ZCCHC24: variants seen among roughly 807,000 people sequenced by gnomAD.
The protein encoded by ZCCHC24 is zinc finger CCHC domain-containing protein 24.
Under a neutral mutation model 26.2 loss-of-function variants are expected in ZCCHC24, and 10 were observed. The ratio of observed to expected loss-of-function variants is 0.38; its 90% CI spans 0.24 to 0.65. The LOEUF (loss-of-function observed/expected upper bound fraction) is 0.65, where lower values mean the gene tolerates loss of function less well. ZCCHC24 is among the 30% of genes least tolerant of loss of function. ZCCHC24 has a pLI of 0.54. For synonymous variants in ZCCHC24, 144 were observed against 147.1 expected (o/e 0.98, Z 0.15); for missense variants, 243 against 329.1 (o/e 0.74, Z 2.03).
chr10:79,438,724 T>C (rs1021108985), intron 1 of ZCCHC24, among the ~76,000 whole-genome samples: 2 of 151,842 alleles, frequency 1.3e-5, no homozygotes, highest in Non-Finnish European at 2.9e-5. Flanking sequence ...GGTGGGGGAG[T>C]GGGCAGAGAG....
intron 2 of ZCCHC24, among the ~76,000 whole-genome samples, chr10:79,408,098 C>T (rs1419304215): frequency 9.9e-5 from 15 of 152,220 alleles, no homozygotes; most frequent in Admixed American, 8.5e-4. Flanking sequence ...CCTCCACCAC[C>T]GATGTTTGCC....
chr10:79,401,076 G>A (rs1230149192), intron 2 of ZCCHC24, among the ~76,000 whole-genome samples: 1 of 152,244 alleles, frequency 6.6e-6, no homozygotes, highest in Non-Finnish European at 1.5e-5. Context: ...ATAGGGACCA[G>A]GAGGAGAGCA....
At chr10:79,440,570 G>A (rs920000845) in intron 1 of ZCCHC24, among the ~76,000 whole-genome samples, 1 of 152,162 alleles carries the variant, frequency 6.6e-6, no homozygotes, top group Non-Finnish European at 1.5e-5. Flanking sequence ...AGGACGGGTC[G>A]CAGATGCAAC....
chr10:79,422,662 T>C (rs575696284), intron 2 of ZCCHC24, among the ~76,000 whole-genome samples: 5 of 152,220 alleles, frequency 3.3e-5, no homozygotes, highest in Non-Finnish European at 7.3e-5. Flanking sequence ...GGGGCGATGA[T>C]TGTTTTCTGT....
Position 79,432,551 on chromosome 10 carries a change from G to C in ZCCHC24, c.447+7C>G. ...CAAGAGCACCCCCTGGGCCAGGGCT[G>C]CCTTACCTGGGGGCAGTCCTTGATG... On this transcript the variant is annotated splice_region_variant and intron_variant, in intron 2 of 3. Transcript: ENST00000372336. 2 of 1,593,394 alleles carry C rather than the reference G, an allele frequency of 1.3e-6. No homozygotes were observed. Among genetic ancestry groups the C allele is most frequent in the Non-Finnish European group, 1.7e-6 (2 of 1,169,646 alleles).
intron 2 of ZCCHC24, among the ~76,000 whole-genome samples, chr10:79,411,097 A>G (rs1473180547): frequency 1.3e-5 from 2 of 152,168 alleles, no homozygotes; most frequent in Non-Finnish European, 2.9e-5. Context: ...ACTGGACAGC[A>G]GGCAACAGTG....
intron 2 of ZCCHC24, among the ~76,000 whole-genome samples, chr10:79,421,342 C>T (rs749088479): frequency 1.3e-5 from 2 of 152,162 alleles, no homozygotes; most frequent in Non-Finnish European, 2.9e-5. Context: ...CCTTCAGCAC[C>T]CATCCCCTGC....
intron 2 of ZCCHC24, among the ~76,000 whole-genome samples, chr10:79,428,574 G>A (rs895041769): frequency 1.3e-5 from 2 of 152,130 alleles, no homozygotes; most frequent in Non-Finnish European, 2.9e-5. Flanking sequence ...GCTAAAAATG[G>A]TTAAGATGGT....
At chr10:79,394,495 C>T (rs1856519386) in intron 2 of ZCCHC24, 55 bp from the exon 3 acceptor site, 2 of 1,584,400 alleles carry the variant, frequency 1.3e-6, no homozygotes, top group African/African-American at 1.3e-5. Context: ...AAGATGATGC[C>T]CCACAGGGTT....
intron 2 of ZCCHC24, among the ~76,000 whole-genome samples, chr10:79,423,105 C>T (rs1420514477): frequency 1.3e-5 from 2 of 152,112 alleles, no homozygotes; most frequent in Non-Finnish European, 2.9e-5. Context: ...AGTGGTAGTA[C>T]GTGAAGTTTT....
At chr10:79,410,416 C>A (rs1006993202) in intron 2 of ZCCHC24, among the ~76,000 whole-genome samples, 5 of 152,232 alleles carry the variant, frequency 3.3e-5, no homozygotes, top group Non-Finnish European at 7.3e-5. Flanking sequence ...AAGTAGCATG[C>A]TTGAACACTG....
At chr10:79,407,883 G>A (rs969566969) in intron 2 of ZCCHC24, among the ~76,000 whole-genome samples, 2 of 152,162 alleles carry the variant, frequency 1.3e-5, no homozygotes, top group African/African-American at 4.8e-5. Flanking sequence ...AAGCAAGACC[G>A]GCGGTGGTGT....
intron 2 of ZCCHC24, among the ~76,000 whole-genome samples, chr10:79,410,950 G>T (rs535338934): frequency 6.6e-6 from 1 of 152,286 alleles, no homozygotes; most frequent in Admixed American, 6.5e-5. Context: ...GCGGGGCTGT[G>T]GGGGCTGAGG....
At chr10:79,394,201 G>T in intron 3 of ZCCHC24, 75 bp downstream of exon 3, 1 of 1,548,908 alleles carries the variant, frequency 6.5e-7, no homozygotes, top group Non-Finnish European at 8.7e-7. Flanking sequence ...GTAGGAGGGA[G>T]TAAACTGAGG....
chr10:79,439,635 A>G (rs1393665793), intron 1 of ZCCHC24, among the ~76,000 whole-genome samples: 2 of 152,152 alleles, frequency 1.3e-5, no homozygotes, highest in Non-Finnish European at 2.9e-5. Context: ...GACATGCTTT[A>G]CAAAAAATTA....
Position 79,386,337 on chromosome 10 carries a change from G to A in ZCCHC24, c.*8C>T. Reference sequence around the variant, plus strand: ...GGGGGGTGGCTCTGGGTGCGGGCGGGCAGCCCGTCACTGCACGCGACGGCA... The same window carrying A: ...GGGGGGTGGCTCTGGGTGCGGGCGGACAGCCCGTCACTGCACGCGACGGCA... On this transcript the variant is annotated 3_prime_UTR_variant, in exon 4 of 4. Coordinates refer to ENST00000372336, the MANE Select transcript of ZCCHC24 (RefSeq NM_153367.4). The A allele has an allele frequency of 6.2e-7, 1 of 1,611,160 alleles. No homozygotes were observed. Among genetic ancestry groups the A allele is most frequent in the Non-Finnish European group, 8.5e-7 (1 of 1,178,806 alleles).
intron 1 of ZCCHC24, among the ~76,000 whole-genome samples, chr10:79,442,154 C>G (rs1258631089): frequency 6.6e-6 from 1 of 152,140 alleles, no homozygotes; most frequent in Non-Finnish European, 1.5e-5. Flanking sequence ...TCGTTGTTGC[C>G]GTAGATCAGG....
intron 2 of ZCCHC24, chr10:79,403,403 C>A (rs4980075): frequency 2.0e-6 from 2 of 985,168 alleles, no homozygotes; most frequent in Admixed American, 6.2e-5. Flanking sequence ...TAGGGACCAA[C>A]CAAAGACCTC....
Position 79,394,175 on chromosome 10 carries a change from TAGAG to T in ZCCHC24, c.612+97_612+100del, listed in dbSNP as rs1373815731. 5.5e-6 allele frequency: 8 copies of T among 1,466,542 alleles called. No homozygotes were observed. The East Asian group carries it at 1.6e-4, about 29-fold the overall frequency. 90.8% of individuals were successfully genotyped at this position (1,466,542 alleles called of 1,614,324 possible). On this transcript the variant is annotated intron_variant, in intron 3 of 3. Transcript: ENST00000372336. The stretch of plus-strand genomic sequence containing the variant: ...GAGACAAGGAAAGAAAGGGTCAACT[TAGAG>T]AGATCTCCCTTGTAGGAGGGAGTAA...
Sources: gnomAD v4.1 joint callset for allele counts (sites outside exome capture counted in the v4.1 genomes callset) on GRCh38, gnomAD v4.1.1 for gene constraint, MANE v1.5 for transcripts, NCBI Gene and HGNC (gene_info 2026-07-23, HGNC 2026-07-21) for gene names.